SIPA1L2: variants seen among roughly 807,000 people sequenced by gnomAD.
SIPA1L2 encodes signal-induced proliferation-associated 1-like protein 2.
A neutral mutation model predicts 163.9 loss-of-function variants in SIPA1L2; 56 were observed. The ratio of observed to expected loss-of-function variants is 0.34; its 90% CI spans 0.28 to 0.43. The LOEUF (loss-of-function observed/expected upper bound fraction) is 0.43, where lower values mean the gene tolerates loss of function less well. Among genes scored for constraint, SIPA1L2 ranks in the 20% least tolerant of loss-of-function variants. SIPA1L2 has a pLI of 1.00. For missense variants in SIPA1L2, 1,974 were observed against 2,193.5 expected (o/e 0.90, Z 2.00); for synonymous variants, 877 against 865.7 (o/e 1.01, Z -0.23).
intron 15 of SIPA1L2, 44 bp from the exon 16 acceptor site, chr1:232,432,515 A>C: frequency 6.3e-7 from 1 of 1,577,804 alleles, no homozygotes; most frequent in Non-Finnish European, 8.7e-7. Flanking sequence ...ATCTGATTTC[A>C]GCAGTGCTGG....
At chr1:232,513,821 C>T in intron 3 of SIPA1L2, 36 bp downstream of exon 3, 2 of 1,527,962 alleles carry the variant, frequency 1.3e-6, no homozygotes, top group Non-Finnish European at 1.8e-6. Flanking sequence ...AAAACTACTC[C>T]CGAGACACAT....
At chr1:232,528,230 C>T (rs1175126676) in intron 2 of SIPA1L2, among the ~76,000 whole-genome samples, 1 of 151,340 alleles carries the variant, frequency 6.6e-6, no homozygotes, top group African/African-American at 2.4e-5. Context: ...TAGGTTCATT[C>T]GATCCATAAA....
chr1:232,590,710 A>G (rs6664522), intron 1 of SIPA1L2, among the ~76,000 whole-genome samples: 40,977 of 142,956 alleles, frequency 0.29, 5,674 homozygotes, highest in African/African-American at 0.32. Flanking sequence ...ACCACCATAA[A>G]AAAACAAAAA....
chr1:232,628,249 T>C (rs1663186195), intron 1 of SIPA1L2, among the ~76,000 whole-genome samples: 1 of 152,206 alleles, frequency 6.6e-6, no homozygotes, highest in Non-Finnish European at 1.5e-5. Flanking sequence ...TCTGGGGAGA[T>C]GTCCCTAACA....
intron 1 of SIPA1L2, among the ~76,000 whole-genome samples, chr1:232,580,071 T>TG (rs1553317217): frequency 6.6e-6 from 1 of 152,190 alleles, no homozygotes; most frequent in Non-Finnish European, 1.5e-5. Flanking sequence ...AGTATACTTA[T>TG]AGTTATTTCT....
At chr1:232,489,648 C>T (rs528603060) in intron 5 of SIPA1L2, among the ~76,000 whole-genome samples, 20 of 152,112 alleles carry the variant, frequency 1.3e-4, no homozygotes, top group East Asian at 3.9e-4. Flanking sequence ...TAGCCATCTG[C>T]GGTGCCAAAT....
At chr1:232,471,246 AGT>A (rs1664782378) in intron 8 of SIPA1L2, 123 bp downstream of exon 8, 1 of 1,020,986 alleles carries the variant, frequency 9.8e-7, no homozygotes. Context: ...TCTTACAGAA[AGT>A]GTCTGAGTAA....
chr1:232,428,304 G>C (rs1396446551), intron 17 of SIPA1L2, 107 bp downstream of exon 17: 3 of 980,290 alleles, frequency 3.1e-6, no homozygotes, highest in South Asian at 2.6e-5. Flanking sequence ...GGTCATGAGA[G>C]ATGAAGCATG....
At chr1:232,560,695 G>A (rs1202190763) in intron 2 of SIPA1L2, among the ~76,000 whole-genome samples, 4 of 141,876 alleles carry the variant, frequency 2.8e-5, no homozygotes, top group African/African-American at 8.0e-5. Flanking sequence ...CAGCCCCAAA[G>A]CCCTGGGCCA....
At chr1:232,512,088 A>G (rs1320290372) in intron 3 of SIPA1L2, among the ~76,000 whole-genome samples, 1 of 152,270 alleles carries the variant, frequency 6.6e-6, no homozygotes, top group Non-Finnish European at 1.5e-5. Context: ...TTCTCAAAAG[A>G]AGACATTTAT....
At chr1:232,419,330 A>G (rs1661435247) in intron 18 of SIPA1L2, among the ~76,000 whole-genome samples, 1 of 152,198 alleles carries the variant, frequency 6.6e-6, no homozygotes. Context: ...TTTCTTTTCC[A>G]TTGATTAGAA....
intron 3 of SIPA1L2, among the ~76,000 whole-genome samples, chr1:232,501,912 T>C (rs954167191): frequency 8.6e-5 from 13 of 151,098 alleles, no homozygotes; most frequent in African/African-American, 3.2e-4. Context: ...TCATATACCC[T>C]GCCTTCCTTC....
chr1:232,598,115 C>T (rs957728790), intron 1 of SIPA1L2, among the ~76,000 whole-genome samples: 1 of 152,088 alleles, frequency 6.6e-6, no homozygotes, highest in African/African-American at 2.4e-5. Flanking sequence ...TAAAGACAGC[C>T]TGTAGGCCAG....
chr1:232,475,717 A>G (rs1665011970), intron 7 of SIPA1L2, among the ~76,000 whole-genome samples: 1 of 152,234 alleles, frequency 6.6e-6, no homozygotes, highest in African/African-American at 2.4e-5. Context: ...TCATATAATT[A>G]TGATATTTTA....
chr1:232,424,372 A>C (rs1661767369), intron 18 of SIPA1L2, among the ~76,000 whole-genome samples: 1 of 149,944 alleles, frequency 6.7e-6, no homozygotes, highest in African/African-American at 2.4e-5. Flanking sequence ...TTTCACCTGG[A>C]AACAAAATGA....
intron 8 of SIPA1L2, among the ~76,000 whole-genome samples, chr1:232,471,001 C>T (rs1664771776): frequency 6.6e-6 from 1 of 152,108 alleles, no homozygotes; most frequent in African/African-American, 2.4e-5. Flanking sequence ...TTTCAGCAGC[C>T]CTGCAAAGAT....
chr1:232,420,784 G>A (rs540571462), intron 18 of SIPA1L2, among the ~76,000 whole-genome samples: 1 of 152,084 alleles, frequency 6.6e-6, no homozygotes, highest in Non-Finnish European at 1.5e-5. Flanking sequence ...GCAGTGAGCC[G>A]AGATTGTGCC....
chr1:232,526,654 A>T (rs916506726), intron 2 of SIPA1L2, among the ~76,000 whole-genome samples: 2 of 152,160 alleles, frequency 1.3e-5, no homozygotes, highest in Admixed American at 6.5e-5. Context: ...GAGTTCTTCC[A>T]ACTCCAGAAT....
intron 18 of SIPA1L2, among the ~76,000 whole-genome samples, chr1:232,421,606 G>A (rs113823390): frequency 5.3e-4 from 80 of 152,214 alleles, no homozygotes; most frequent in African/African-American, 1.9e-3. Flanking sequence ...TTTGCAGATG[G>A]ATGGATACCT....
Sources: allele counts gnomAD v4.1 joint callset (sites outside exome capture counted in the v4.1 genomes callset), GRCh38; gene constraint gnomAD v4.1.1; transcripts MANE v1.5; gene names NCBI Gene and HGNC (gene_info 2026-07-23, HGNC 2026-07-21).